Variants in LRRC69 observed in about 807,000 individuals in gnomAD.
LRRC69 encodes leucine rich repeat containing 69.
In LRRC69, 42 loss-of-function variants were observed where a neutral mutation model predicts 37.8. The ratio of observed to expected loss-of-function variants is 1.11; its 90% CI spans 0.87 to 1.44. LRRC69 has a LOEUF of 1.44. Ranked by LOEUF, LRRC69 falls within the 40% of genes most tolerant of loss-of-function variation. The pLI, the probability that LRRC69 is intolerant of heterozygous loss-of-function variation, is 0.00. For missense variants in LRRC69, 357 were observed against 401.9 expected (o/e 0.89, Z 0.96); for synonymous variants, 141 against 143.1 (o/e 0.99, Z 0.11).
chr8:91,174,689 A>G (rs1440230281), intron 5 of LRRC69, among the ~76,000 whole-genome samples: 1 of 152,218 alleles, frequency 6.6e-6, no homozygotes, highest in Non-Finnish European at 1.5e-5. Flanking sequence ...TAAATTGTAG[A>G]CTATTCCAGG....
chr8:91,134,941 T>A (rs959940880), intron 4 of LRRC69, among the ~76,000 whole-genome samples: 3 of 151,988 alleles, frequency 2.0e-5, no homozygotes, highest in Non-Finnish European at 4.4e-5. Context: ...GGTATACACA[T>A]GCAAAGATTT....
intron 5 of LRRC69, among the ~76,000 whole-genome samples, chr8:91,151,921 G>T (rs868100042): frequency 3.3e-5 from 5 of 151,216 alleles, no homozygotes; most frequent in African/African-American, 1.2e-4. Flanking sequence ...TTTTTCATAT[G>T]TTTCTTGGCC....
At chr8:91,107,767 A>C (rs1299333618) in intron 1 of LRRC69, among the ~76,000 whole-genome samples, 1 of 152,124 alleles carries the variant, frequency 6.6e-6, no homozygotes, top group Non-Finnish European at 1.5e-5. Flanking sequence ...ACTTCTAATG[A>C]CAATGAACAA....
chr8:91,210,055 A>T (rs4339600), intron 7 of LRRC69, among the ~76,000 whole-genome samples: 2 of 152,026 alleles, frequency 1.3e-5, no homozygotes, highest in African/African-American at 4.8e-5. Flanking sequence ...ATATACCCAT[A>T]CTATGGAGTC....
chr8:91,193,087 C>A (rs1809529840), intron 6 of LRRC69, among the ~76,000 whole-genome samples: 1 of 144,370 alleles, frequency 6.9e-6, no homozygotes, highest in South Asian at 2.4e-4. Flanking sequence ...TTTCCCAGCA[C>A]CATTTATTAA....
At chr8:91,164,247 G>C (rs1356441599) in intron 5 of LRRC69, among the ~76,000 whole-genome samples, 1 of 151,602 alleles carries the variant, frequency 6.6e-6, no homozygotes, top group Non-Finnish European at 1.5e-5. Flanking sequence ...ATTAGAGGCA[G>C]TAAATATGGA....
chr8:91,212,536 C>A (rs565672367), intron 7 of LRRC69, among the ~76,000 whole-genome samples: 15 of 152,196 alleles, frequency 9.9e-5, no homozygotes, highest in African/African-American at 3.6e-4. Context: ...AACTTTAATT[C>A]CTTTTTTATG....
intron 1 of LRRC69, among the ~76,000 whole-genome samples, chr8:91,114,482 T>A (rs1813473489): frequency 6.6e-6 from 1 of 151,982 alleles, no homozygotes; most frequent in South Asian, 2.1e-4. Flanking sequence ...TATGCACATA[T>A]GTCATGTGAT....
chr8:91,171,262 A>G (rs940804286), intron 5 of LRRC69, among the ~76,000 whole-genome samples: 1 of 150,546 alleles, frequency 6.6e-6, no homozygotes, highest in African/African-American at 2.4e-5. Context: ...TATTCCTCTA[A>G]TAACCTCCTC....
intron 5 of LRRC69, among the ~76,000 whole-genome samples, chr8:91,165,817 C>T (rs1304613417): frequency 1.3e-5 from 2 of 151,716 alleles, no homozygotes; most frequent in African/African-American, 4.8e-5. Context: ...TTATGGTTGA[C>T]GTTTTATGAT....
chr8:91,158,837 A>G (rs1808885813), intron 5 of LRRC69: 3 of 678,610 alleles, frequency 4.4e-6, no homozygotes, highest in Non-Finnish European at 8.2e-6. Flanking sequence ...ATAGAATGTT[A>G]CTTTGGAATG....
chr8:91,176,132 A>ATTTTTTTTTTT (rs1331458493), intron 5 of LRRC69, among the ~76,000 whole-genome samples: 6 of 15,198 alleles, frequency 3.9e-4, no homozygotes, highest in African/African-American at 1.2e-3. Flanking sequence ...ATATATATAT[A>ATTTTTTTTTTT]TATTTTTTTT....
intron 5 of LRRC69, among the ~76,000 whole-genome samples, chr8:91,155,437 C>CAT (rs1808816858): frequency 6.6e-6 from 1 of 150,684 alleles, no homozygotes; most frequent in Non-Finnish European, 1.5e-5. Context: ...GAGTAATTAG[C>CAT]ATATCCATTA....
chr8:91,186,701 G>A (rs945961922), intron 5 of LRRC69, among the ~76,000 whole-genome samples: 5 of 152,104 alleles, frequency 3.3e-5, no homozygotes, highest in African/African-American at 1.2e-4. Flanking sequence ...TTTGCGCTGA[G>A]ATGAATTCAA....
rs112595566 is a variant in LRRC69, at chr8:91,215,347, A to G, written c.934-3543A>G. On this transcript the variant is annotated intron_variant, in intron 7 of 7. Transcript: ENST00000448384. ...TCTTATCCAAACTTTTTACTGTGCC[A>G]TATAAATATATATTGCAATAATTTT... 4.2e-3 allele frequency among the ~76,000 whole-genome samples: 636 copies of G among 152,290 alleles called. 2 individuals are homozygous for G. The highest frequency in any genetic ancestry group is 0.014 in the African/African-American group (599 of 41,566).
intron 7 of LRRC69, among the ~76,000 whole-genome samples, chr8:91,211,616 A>ATATAT (rs1554597817): frequency 1.9e-4 from 26 of 137,532 alleles, no homozygotes; most frequent in African/African-American, 7.0e-4. Flanking sequence ...ATATATATAT[A>ATATAT]TTTTTTTTTT....
chr8:91,177,619 A>C (rs1210137550), intron 5 of LRRC69, among the ~76,000 whole-genome samples: 2 of 152,176 alleles, frequency 1.3e-5, no homozygotes, highest in East Asian at 3.8e-4. Context: ...CATGGTACTC[A>C]ACAAATGATA....
At chr8:91,122,855 C>T (rs974155460) in intron 1 of LRRC69, among the ~76,000 whole-genome samples, 5 of 152,012 alleles carry the variant, frequency 3.3e-5, no homozygotes, top group Non-Finnish European at 7.3e-5. Flanking sequence ...ATCCCCCAAT[C>T]CTCTGAATGT....
intron 5 of LRRC69, among the ~76,000 whole-genome samples, chr8:91,140,405 A>G (rs1052595153): frequency 1.3e-5 from 2 of 151,950 alleles, no homozygotes; most frequent in Non-Finnish European, 2.9e-5. Context: ...TTTTCTGGTA[A>G]TTCATTCATT....
Sources: allele counts gnomAD v4.1 joint callset (sites outside exome capture counted in the v4.1 genomes callset), GRCh38; gene constraint gnomAD v4.1.1; transcripts MANE v1.5; gene names NCBI Gene and HGNC (gene_info 2026-07-23, HGNC 2026-07-21).